The following MSI2 variants were observed in gnomAD, a reference collection of about 807,000 sequenced individuals.
MSI2 encodes the protein RNA-binding protein Musashi homolog 2.
In MSI2, 17 loss-of-function variants were observed where a neutral mutation model predicts 45.6. The ratio of observed to expected loss-of-function variants is 0.37; its 90% CI spans 0.26 to 0.56. MSI2 has a LOEUF of 0.56. Among genes scored for constraint, MSI2 ranks in the 20% least tolerant of loss-of-function variants. The pLI, the probability that MSI2 is intolerant of heterozygous loss-of-function variation, is 0.77. For synonymous variants in MSI2, 156 were observed against 158.2 expected (o/e 0.99, Z 0.11); for missense variants, 293 against 444.2 (o/e 0.66, Z 3.06).
At chr17:57,535,785 G>A (rs753560386) in intron 7 of MSI2, among the ~76,000 whole-genome samples, 18 of 152,234 alleles carry the variant, frequency 1.2e-4, no homozygotes, top group African/African-American at 3.1e-4. Flanking sequence ...GCAGGTGGCC[G>A]GAGAGCTTGG....
rs1555643235 is a variant in MSI2, at chr17:57,682,321, C to CCG, written c.*2805_*2806insGC. On this transcript the variant is annotated 3_prime_UTR_variant, in exon 14 of 14. Coordinates refer to ENST00000284073, the MANE Select transcript of MSI2 (RefSeq NM_138962.4). The stretch of plus-strand genomic sequence containing the variant: ...GACTCTACGGCGTTTTGTAGATCCC[C>CCG]CCCCCCCCACCCACTGTGAAGGGGT... 6.9e-6 allele frequency: 1 copy of CCG among 144,102 alleles called. No homozygotes were observed. The highest frequency in any genetic ancestry group is 1.5e-5 in the Non-Finnish European group (1 of 66,698). The allele number at this position is 144,102 out of a possible 1,614,324, so 8.9% of individuals were successfully genotyped here.
At chr17:57,585,666 A>G (rs72833100) in intron 7 of MSI2, among the ~76,000 whole-genome samples, 19,392 of 152,128 alleles carry the variant, frequency 0.13, 1,277 homozygotes, top group Middle Eastern at 0.16. Context: ...CAAATTTGAA[A>G]CCCACTCTTC....
At chr17:57,363,442 G>A (rs985062729) in intron 5 of MSI2, among the ~76,000 whole-genome samples, 2 of 152,188 alleles carry the variant, frequency 1.3e-5, no homozygotes, top group Admixed American at 1.3e-4. Flanking sequence ...TTTTACCACT[G>A]TAAAAACATA....
intron 10 of MSI2, chr17:57,629,513 C>A (rs11079316): frequency 0.06 from 9,099 of 152,330 alleles, 445 homozygotes; most frequent in South Asian, 0.22. Flanking sequence ...GACTCAGTAA[C>A]CATGTGTGGC....
chr17:57,622,162 A>T (rs1313733714), intron 9 of MSI2, among the ~76,000 whole-genome samples: 1 of 152,238 alleles, frequency 6.6e-6, no homozygotes, highest in Non-Finnish European at 1.5e-5. Context: ...ACACCACTGC[A>T]CTCCAGCCTG....
rs1232949878 is a variant in MSI2 at position 57,411,599 on chromosome 17, G to T, written c.405+10128G>T. ...TAGCCCAACAGCAGTGGGGCCCAAG[G>T]TTCAAATCTAGACTTCCTGGGTGAG... On this transcript the variant is annotated intron_variant, in intron 6 of 13. Transcript: ENST00000284073. 2.0e-5 allele frequency among the ~76,000 whole-genome samples: 3 copies of T among 152,274 alleles called. No homozygotes were observed. In the East Asian group the frequency reaches 5.8e-4, roughly 29 times the overall value.
rs1326246181 is a variant in MSI2 at position 57,446,958 on chromosome 17, A to G, written c.405+45487A>G. On this transcript the variant is annotated intron_variant, in intron 6 of 13. Coordinates refer to ENST00000284073, the MANE Select transcript of MSI2 (RefSeq NM_138962.4). ...TGTAGCTACACTCACATATGCTTTGATGCAAGGTTGCTATGTAAAAGTTGC... is the reference window on the plus strand; with the variant it reads ...TGTAGCTACACTCACATATGCTTTGGTGCAAGGTTGCTATGTAAAAGTTGC... Among the ~76,000 whole-genome samples the G allele has an allele frequency of 2.0e-5, 3 of 152,216 alleles. No individual in the cohort carries two copies. In the East Asian group the frequency reaches 5.8e-4, roughly 29 times the overall value.
chr17:57,403,294 C>G (rs2084026343), intron 6 of MSI2, among the ~76,000 whole-genome samples: 2 of 152,170 alleles, frequency 1.3e-5, no homozygotes, highest in Non-Finnish European at 2.9e-5. Context: ...CTCTTTCTTC[C>G]TTTCTGTATT....
At chr17:57,649,727 G>A (rs1462314809) in intron 10 of MSI2, among the ~76,000 whole-genome samples, 1 of 152,212 alleles carries the variant, frequency 6.6e-6, no homozygotes, top group Non-Finnish European at 1.5e-5. Flanking sequence ...GACTGGTGAG[G>A]CTGGATGGCC....
At chr17:57,575,147 T>TCCCCCCCCCCC (rs371180511) in intron 7 of MSI2, among the ~76,000 whole-genome samples, 58 of 119,572 alleles carry the variant, frequency 4.9e-4, no homozygotes, top group African/African-American at 6.1e-4. Context: ...CTTTTTTAAC[T>TCCCCCCCCCCC]CCCTCCCCCC....
chr17:57,689,687 T>C (rs542017429), downstream of MSI2, among the ~76,000 whole-genome samples: 1 of 152,228 alleles, frequency 6.6e-6, no homozygotes, highest in Non-Finnish European at 1.5e-5. Flanking sequence ...TTGAGCTCCT[T>C]ACTGGCATCC....
chr17:57,347,180 G>T (rs1598152844), intron 5 of MSI2, among the ~76,000 whole-genome samples: 1 of 152,058 alleles, frequency 6.6e-6, no homozygotes, highest in African/African-American at 2.4e-5. Context: ...CCTCACCATT[G>T]TTCCTGGAAA....
chr17:57,623,536 C>T, intron 9 of MSI2, among the ~76,000 whole-genome samples: 1 of 152,198 alleles, frequency 6.6e-6, no homozygotes, highest in East Asian at 1.9e-4. Flanking sequence ...TTTGCTTCTG[C>T]AATGGAAAGC....
At chr17:57,513,374 C>T (rs1471930650) in intron 6 of MSI2, among the ~76,000 whole-genome samples, 2 of 152,194 alleles carry the variant, frequency 1.3e-5, no homozygotes, top group Non-Finnish European at 2.9e-5. Flanking sequence ...TGCCCAATGT[C>T]ACACAGCTAA....
chr17:57,561,233 G>A (rs749550288), intron 7 of MSI2, among the ~76,000 whole-genome samples: 9 of 152,132 alleles, frequency 5.9e-5, no homozygotes, highest in Non-Finnish European at 8.8e-5. Context: ...GGTGGGCCTG[G>A]GAGCTTTGCA....
rs1911255992 is a variant in MSI2 at position 57,652,679 on chromosome 17, T to A, written c.790+518T>A. 6.6e-6 allele frequency among the ~76,000 whole-genome samples: 1 copy of A among 152,184 alleles called. No homozygotes were observed. Among genetic ancestry groups the A allele is most frequent in the Non-Finnish European group, 1.5e-5 (1 of 68,020 alleles). ...GGGCCTCAGTGAATGAAGCTGCTGT[T>A]TCTGGAGCCGCTGTGCCTCCCAGAC... On this transcript the variant is annotated intron_variant, in intron 11 of 13. Coordinates refer to ENST00000284073, the MANE Select transcript of MSI2 (RefSeq NM_138962.4). This position sits in a 1 kb window ranked among gnomAD's most constrained non-coding sequence, Gnocchi z 4.1.
At chr17:57,625,844 G>A (rs1205550759) in intron 9 of MSI2, 1 of 152,372 alleles carries the variant, frequency 6.6e-6, no homozygotes, top group African/African-American at 2.4e-5. Context: ...GAGCTGGGTG[G>A]TCAGAGCCCC....
chr17:57,385,854 C>T (rs1387309612), intron 5 of MSI2, among the ~76,000 whole-genome samples: 5 of 152,174 alleles, frequency 3.3e-5, no homozygotes, highest in Admixed American at 6.5e-5. Flanking sequence ...CATTTTATTA[C>T]ACCTGTCTCT....
At chr17:57,480,163 A>G (rs2085620172) in intron 6 of MSI2, among the ~76,000 whole-genome samples, 1 of 152,098 alleles carries the variant, frequency 6.6e-6, no homozygotes, top group Non-Finnish European at 1.5e-5. Context: ...GGGTTTCACC[A>G]TGTTGGCCGG....
Sources: allele counts gnomAD v4.1 joint callset (sites outside exome capture counted in the v4.1 genomes callset), GRCh38; gene constraint gnomAD v4.1.1; non-coding constraint Gnocchi (gnomAD v3.1); transcripts MANE v1.5; gene names NCBI Gene and HGNC (gene_info 2026-07-23, HGNC 2026-07-21).